The following SLC9A9 variants were observed in gnomAD, a reference collection of about 807,000 sequenced individuals.
SLC9A9 encodes the protein sodium/hydrogen exchanger 9.
A neutral mutation model predicts 77.8 loss-of-function variants in SLC9A9; 62 were observed. The observed-to-expected ratio is 0.80, with a 90% confidence interval of 0.65 to 0.98. SLC9A9 has a LOEUF of 0.98. Ranked by LOEUF, SLC9A9 falls within the 50% of genes least tolerant of loss-of-function variation. The pLI is 0.00. For missense variants in SLC9A9, 775 were observed against 774.9 expected, an observed-to-expected ratio of 1.00 and a Z score of 0.00; for synonymous variants, 320 against 283.5, an observed-to-expected ratio of 1.13 and a Z score of -1.29.
rs59195338 is a variant in SLC9A9, at chr3:143,477,330, ATTT to A, written c.1316-10143_1316-10141del. Among the ~76,000 whole-genome samples the A allele has an allele frequency of 2.9e-3, 287 of 99,992 alleles. 3 individuals carry two copies. The highest frequency in any genetic ancestry group is 9.3e-3 in the East Asian group (33 of 3,552). The allele number at this position is 99,992 out of a possible 152,430, so 65.6% of individuals were successfully genotyped here. ...CAAAATCACCTGAAGGGCTTCTTCA[ATTT>A]TTTTTTTTTTTTTTCCCCCTCCCCC... On this transcript the variant is annotated intron_variant, in intron 11 of 15. Coordinates refer to ENST00000316549, the MANE Select transcript of SLC9A9 (RefSeq NM_173653.4).
chr3:143,446,675 C>T (rs937836671), intron 12 of SLC9A9, among the ~76,000 whole-genome samples: 1 of 152,082 alleles, frequency 6.6e-6, no homozygotes, highest in Non-Finnish European at 1.5e-5. Flanking sequence ...TGTGATCTAT[C>T]AGGATGGGAA....
intron 12 of SLC9A9, among the ~76,000 whole-genome samples, chr3:143,415,029 A>G (rs2034166822): frequency 6.6e-6 from 1 of 152,230 alleles, no homozygotes; most frequent in Non-Finnish European, 1.5e-5. Flanking sequence ...CCATCTGGAT[A>G]GAAGATGAAA....
intron 9 of SLC9A9, among the ~76,000 whole-genome samples, chr3:143,546,251 C>T (rs2036786791): frequency 6.6e-6 from 1 of 152,200 alleles, no homozygotes; most frequent in Non-Finnish European, 1.5e-5. Context: ...TTTGGATTTG[C>T]ATTGCTGCTT....
At chr3:143,533,696 A>T (rs1347893395) in intron 9 of SLC9A9, among the ~76,000 whole-genome samples, 1 of 152,214 alleles carries the variant, frequency 6.6e-6, no homozygotes, top group Admixed American at 6.5e-5. Flanking sequence ...TCTGAGAAAG[A>T]GAGAGAAAGA....
At chr3:143,615,102 G>A (rs1045149443) in intron 6 of SLC9A9, among the ~76,000 whole-genome samples, 4 of 152,132 alleles carry the variant, frequency 2.6e-5, no homozygotes, top group African/African-American at 9.7e-5. Flanking sequence ...ACATATACAA[G>A]TCAGCCAACT....
chr3:143,496,952 C>A (rs861418), intron 9 of SLC9A9, among the ~76,000 whole-genome samples: 1 of 151,954 alleles, frequency 6.6e-6, no homozygotes, highest in African/African-American at 2.4e-5. Context: ...GCCATCTACT[C>A]GCTATGTCCT....
At chr3:143,614,362 A>G (rs1428463163) in intron 6 of SLC9A9, among the ~76,000 whole-genome samples, 2 of 152,062 alleles carry the variant, frequency 1.3e-5, no homozygotes, top group Non-Finnish European at 2.9e-5. Context: ...TAGTCCTTTG[A>G]TCAGTGCCTT....
rs922942672 is a variant in SLC9A9 at position 143,518,928 on chromosome 3, A to T, written c.1090-23480T>A. Among the ~76,000 whole-genome samples the T allele has an allele frequency of 2.0e-5, 3 of 152,208 alleles. No individual in the cohort carries two copies. In the East Asian group the frequency reaches 5.8e-4, roughly 29 times the overall value. ...TTACTAGGGGTGGAATTCCTGTGTC[A>T]CAACAACATTTCTACCTGTAGTATG... On this transcript the variant is annotated intron_variant, in intron 9 of 15. Transcript: ENST00000316549.
chr3:143,813,749 C>CA (rs1458685109), intron 2 of SLC9A9, among the ~76,000 whole-genome samples: 1 of 152,176 alleles, frequency 6.6e-6, no homozygotes, highest in Non-Finnish European at 1.5e-5. Context: ...ATGAGGTAGG[C>CA]AAAAGAGACA....
intron 4 of SLC9A9, among the ~76,000 whole-genome samples, chr3:143,789,971 C>T (rs2008168732): frequency 6.6e-6 from 1 of 152,194 alleles, no homozygotes; most frequent in African/African-American, 2.4e-5. Flanking sequence ...GGCTGTGTCC[C>T]TACCCCAAAT....
intron 8 of SLC9A9, among the ~76,000 whole-genome samples, chr3:143,566,228 T>C (rs1165549154): frequency 6.6e-6 from 1 of 152,144 alleles, no homozygotes; most frequent in Non-Finnish European, 1.5e-5. Context: ...TTTCAAGAAC[T>C]GACTTGACAA....
intron 11 of SLC9A9, among the ~76,000 whole-genome samples, chr3:143,483,167 T>A (rs991978046): frequency 1.3e-5 from 2 of 152,260 alleles, no homozygotes; most frequent in African/African-American, 4.8e-5. Flanking sequence ...GGCATTTTCA[T>A]GTTCCTAGTC....
chr3:143,377,424 C>T (rs1399325234), intron 13 of SLC9A9, among the ~76,000 whole-genome samples: 1 of 152,196 alleles, frequency 6.6e-6, no homozygotes, highest in Non-Finnish European at 1.5e-5. Context: ...ATCCCTGCTG[C>T]TCTGGCAGCA....
rs2031141864 is a variant in SLC9A9 at position 143,314,692 on chromosome 3, AGAGAT to A, written c.1605-45717_1605-45713del. ...CCAGCCCTCTTCGAGGTTACACAGT[AGAGAT>A]GGGATGAATCCCAATTCTTCCCTGC... On this transcript the variant is annotated intron_variant, in intron 14 of 15. Coordinates refer to ENST00000316549, the MANE Select transcript of SLC9A9 (RefSeq NM_173653.4). 2.0e-5 allele frequency among the ~76,000 whole-genome samples: 3 copies of A among 152,368 alleles called. No individual in the cohort carries two copies. In the South Asian group the frequency reaches 6.2e-4, roughly 32 times the overall value.
intron 14 of SLC9A9, among the ~76,000 whole-genome samples, chr3:143,276,107 A>G (rs979505741): frequency 6.6e-6 from 1 of 152,096 alleles, no homozygotes; most frequent in South Asian, 2.1e-4. Context: ...TCCTCAGTAT[A>G]GGGCCCTGTC....
intron 14 of SLC9A9, among the ~76,000 whole-genome samples, chr3:143,356,078 T>C (rs925682078): frequency 9.2e-5 from 14 of 152,302 alleles, no homozygotes; most frequent in African/African-American, 2.9e-4. Flanking sequence ...AGTTACCATC[T>C]TGGGATCCAC....
intron 11 of SLC9A9, among the ~76,000 whole-genome samples, chr3:143,479,625 T>C (rs2035540397): frequency 1.3e-5 from 2 of 152,054 alleles, no homozygotes; most frequent in South Asian, 2.1e-4. Flanking sequence ...AAAATATCAA[T>C]GATTGTCCTT....
At chr3:143,773,645 C>A (rs1312163514) in intron 4 of SLC9A9, among the ~76,000 whole-genome samples, 1 of 152,064 alleles carries the variant, frequency 6.6e-6, no homozygotes, top group Non-Finnish European at 1.5e-5. Flanking sequence ...CCACCATGCC[C>A]AGCTAATTTT....
At chr3:143,373,605 T>TAAAAAAAAAAA (rs67376157) in intron 13 of SLC9A9, among the ~76,000 whole-genome samples, 12 of 58,614 alleles carry the variant, frequency 2.0e-4, no homozygotes, top group Admixed American at 2.2e-4. Context: ...ACTGAAATAG[T>TAAAAAAAAAAA]AAAAAAAAAA....
Sources: allele counts gnomAD v4.1 joint callset (sites outside exome capture counted in the v4.1 genomes callset), GRCh38; gene constraint gnomAD v4.1.1; transcripts MANE v1.5; gene names NCBI Gene and HGNC (gene_info 2026-07-23, HGNC 2026-07-21).